ADARB2: variants seen among roughly 807,000 people sequenced by gnomAD.
ADARB2 encodes the protein adenosine deaminase RNA specific B2 (inactive).
A neutral mutation model predicts 62.2 loss-of-function variants in ADARB2; 25 were observed. That is an observed-to-expected ratio of 0.40 (90% CI 0.29 to 0.56). The LOEUF (loss-of-function observed/expected upper bound fraction) is 0.56. ADARB2 is among the 20% of genes least tolerant of loss of function. The probability of loss-of-function intolerance (pLI) is 0.43; values close to 1 mark genes in which losing one functional copy is unlikely to be tolerated. For missense variants in ADARB2, 1,071 were observed against 1,077.4 expected (o/e 0.99, Z 0.08); for synonymous variants, 572 against 500.8 (o/e 1.14, Z -1.90).
intron 1 of ADARB2, among the ~76,000 whole-genome samples, chr10:1,656,501 G>A (rs556583630): frequency 1.3e-5 from 2 of 151,790 alleles, no homozygotes; most frequent in African/African-American, 4.8e-5. Flanking sequence ...AGAGGTTGGG[G>A]GAAAGAGAGA....
At chr10:1,372,754 C>T (rs1299291195) in intron 2 of ADARB2, among the ~76,000 whole-genome samples, 5 of 152,068 alleles carry the variant, frequency 3.3e-5, no homozygotes, top group Admixed American at 3.3e-4. Context: ...TCCTTTAGTC[C>T]ACTCCGAAAT....
chr10:1,502,329 C>T (rs1182463785), intron 1 of ADARB2, among the ~76,000 whole-genome samples: 3 of 152,234 alleles, frequency 2.0e-5, no homozygotes, highest in South Asian at 2.1e-4. Context: ...TGTGCACCCA[C>T]ACCAGGAAAG....
chr10:1,610,223 G>C (rs189088919), intron 1 of ADARB2, among the ~76,000 whole-genome samples: 1 of 152,158 alleles, frequency 6.6e-6, no homozygotes, highest in East Asian at 1.9e-4. Flanking sequence ...GCAGCCCCAG[G>C]GCCCCTACAC....
intron 1 of ADARB2, among the ~76,000 whole-genome samples, chr10:1,416,181 C>T (rs752037276): frequency 4.6e-5 from 7 of 152,174 alleles, no homozygotes; most frequent in African/African-American, 4.8e-5. Flanking sequence ...TGAACATATG[C>T]GGTTCATATT....
At chr10:1,569,568 C>T (rs1588306200) in intron 1 of ADARB2, among the ~76,000 whole-genome samples, 1 of 152,186 alleles carries the variant, frequency 6.6e-6, no homozygotes, top group African/African-American at 2.4e-5. Flanking sequence ...TTCTTAAATT[C>T]TGTTCTGATG....
At chr10:1,345,473 C>T (rs573023904) in intron 3 of ADARB2, among the ~76,000 whole-genome samples, 6 of 152,280 alleles carry the variant, frequency 3.9e-5, no homozygotes, top group South Asian at 2.1e-4. Flanking sequence ...AGGACCTTTT[C>T]GGCACCCTGT....
At chr10:1,604,576 G>A (rs1833471907) in intron 1 of ADARB2, among the ~76,000 whole-genome samples, 1 of 152,186 alleles carries the variant, frequency 6.6e-6, no homozygotes, top group African/African-American at 2.4e-5. Flanking sequence ...CAGAAATACT[G>A]TAGCACAATT....
At chr10:1,648,724 A>T (rs142437015) in intron 1 of ADARB2, among the ~76,000 whole-genome samples, 132 of 152,314 alleles carry the variant, frequency 8.7e-4, no homozygotes, top group Non-Finnish European at 1.6e-3. Context: ...TGACTAACGA[A>T]GTCTAGTCAT....
intron 1 of ADARB2, among the ~76,000 whole-genome samples, chr10:1,403,425 G>C (rs1452478761): frequency 3.3e-5 from 5 of 152,204 alleles, no homozygotes; most frequent in Non-Finnish European, 7.3e-5. Flanking sequence ...GTCCTGGTCA[G>C]GTGTGGACTG....
intron 1 of ADARB2, among the ~76,000 whole-genome samples, chr10:1,683,594 G>A (rs982397917): frequency 3.3e-5 from 5 of 152,166 alleles, no homozygotes; most frequent in African/African-American, 1.2e-4. Flanking sequence ...ATGGATGCTG[G>A]TGGAGAAACA....
intron 1 of ADARB2, among the ~76,000 whole-genome samples, chr10:1,613,308 A>G (rs1032775864): frequency 1.3e-5 from 2 of 152,186 alleles, no homozygotes; most frequent in African/African-American, 4.8e-5. Flanking sequence ...AACCCATTCC[A>G]TGAAAAGATT....
intron 3 of ADARB2, among the ~76,000 whole-genome samples, chr10:1,346,025 A>G (rs1832077418): frequency 6.6e-6 from 1 of 152,136 alleles, no homozygotes; most frequent in South Asian, 2.1e-4. Flanking sequence ...GTGTATTATC[A>G]TCATGATCAG....
At chr10:1,580,312 G>A (rs111684423) in intron 1 of ADARB2, among the ~76,000 whole-genome samples, 1,986 of 152,196 alleles carry the variant, frequency 0.013, 20 homozygotes, top group Non-Finnish European at 0.02. Context: ...CCTTCTTTGT[G>A]TTCATGAAGT....
intron 3 of ADARB2, among the ~76,000 whole-genome samples, chr10:1,319,122 T>C (rs560043009): frequency 6.6e-6 from 1 of 152,064 alleles, no homozygotes; most frequent in South Asian, 2.1e-4. Context: ...TAAGGCCAGA[T>C]CTATAGGATG....
At position 1,217,051 on chromosome 10, in the gene ADARB2, C is replaced by T; in HGVS notation, c.1582G>A (p.Gly528Arg). ...CTGGGGCCACGCACGGGGACCGTCC[C>T]TTCCCCGGACTCGATCTTGGTGCGC... Reference protein sequence around the residue: ...HLRTKIESGEGTVPVRGPSAV... With the variant: ...HLRTKIESGERTVPVRGPSAV... The change falls in exon 7 of 10, where the codon GGG becomes AGG. Residue 528 changes from glycine (G) to arginine (R), a missense_variant. Physicochemically the swap from Gly to Arg is moderately radical, Grantham distance 125. Coordinates refer to ENST00000381312, the MANE Select transcript of ADARB2 (RefSeq NM_018702.4). 6.2e-7 allele frequency: 1 copy of T among 1,610,548 alleles called. No individual in the cohort carries two copies. Among genetic ancestry groups the T allele is most frequent in the Non-Finnish European group, 8.5e-7 (1 of 1,178,726 alleles).
intron 1 of ADARB2, among the ~76,000 whole-genome samples, chr10:1,641,876 G>A (rs1351936476): frequency 6.6e-6 from 1 of 152,104 alleles, no homozygotes; most frequent in African/African-American, 2.4e-5. Context: ...AGTCAGGTGT[G>A]GTGGCGGGCG....
Position 1,352,032 on chromosome 10 carries a change from G to A in ADARB2, c.1077+10996C>T, listed in dbSNP as rs552187601. On this transcript the variant is annotated intron_variant, in intron 3 of 9. Coordinates refer to ENST00000381312, the MANE Select transcript of ADARB2 (RefSeq NM_018702.4). ...GCACCCTTCATCCCAGCCTCTCTTC[G>A]CTTTCACTTGGACTGACCCTGACAC... Among the ~76,000 whole-genome samples, 1,203 of 150,976 alleles carry A rather than the reference G, an allele frequency of 8.0e-3. 9 individuals are homozygous for A. Among genetic ancestry groups the A allele is most frequent in the African/African-American group, 0.018 (724 of 40,640 alleles).
chr10:1,384,632 G>A (rs1012071683), intron 1 of ADARB2, among the ~76,000 whole-genome samples: 1 of 152,188 alleles, frequency 6.6e-6, no homozygotes, highest in African/African-American at 2.4e-5. Flanking sequence ...GCATGAGAGT[G>A]CACCCCACAG....
chr10:1,527,796 G>A (rs573444926), intron 1 of ADARB2, among the ~76,000 whole-genome samples: 4 of 152,324 alleles, frequency 2.6e-5, no homozygotes, highest in Non-Finnish European at 5.9e-5. Context: ...TTGAAGGGGT[G>A]TTGGCAAGAA....
Sources: allele counts gnomAD v4.1 joint callset (sites outside exome capture counted in the v4.1 genomes callset), GRCh38; gene constraint gnomAD v4.1.1; transcripts MANE v1.5; gene names NCBI Gene and HGNC (gene_info 2026-07-23, HGNC 2026-07-21).